PHACTR3: variants seen among roughly 807,000 people sequenced by gnomAD.
The protein encoded by PHACTR3 is phosphatase and actin regulator 3.
PHACTR3 carries 16 observed loss-of-function variants against 66.8 expected under a neutral mutation model. The observed-to-expected ratio is 0.24, with a 90% CI of 0.16 to 0.36. The LOEUF is 0.36. PHACTR3 is among the 10% of genes least tolerant of loss of function. PHACTR3 has a pLI of 1.00. For synonymous variants in PHACTR3, 323 were observed against 292.1 expected (o/e 1.11, Z -1.08); for missense variants, 647 against 719.9 (o/e 0.90, Z 1.16).
chr20:59,792,447 T>G (rs2041132664), intron 7 of PHACTR3, among the ~76,000 whole-genome samples: 1 of 152,236 alleles, frequency 6.6e-6, no homozygotes, highest in Non-Finnish European at 1.5e-5. Flanking sequence ...ATCAAGGTAT[T>G]AGAGTTTCAG....
intron 5 of PHACTR3, among the ~76,000 whole-genome samples, chr20:59,769,792 G>A (rs1202190437): frequency 2.6e-5 from 4 of 152,318 alleles, no homozygotes; most frequent in Admixed American, 2.0e-4. Context: ...AACCCTGTCT[G>A]TCTGCTTTCT....
chr20:59,632,751 G>A (rs1177880049), intron 1 of PHACTR3, among the ~76,000 whole-genome samples: 3 of 152,158 alleles, frequency 2.0e-5, no homozygotes, highest in African/African-American at 7.2e-5. Flanking sequence ...CAGATCACAG[G>A]GCTCATGAAA....
At chr20:59,768,931 G>GGGGC (rs2040274292) in intron 5 of PHACTR3, among the ~76,000 whole-genome samples, 1 of 152,244 alleles carries the variant, frequency 6.6e-6, no homozygotes, top group African/African-American at 2.4e-5. Context: ...GGTTAGATGT[G>GGGGC]GGGCTGTGGT....
intron 1 of PHACTR3, among the ~76,000 whole-genome samples, chr20:59,598,816 C>G (rs146621119): frequency 6.6e-6 from 1 of 152,286 alleles, no homozygotes; most frequent in Non-Finnish European, 1.5e-5. Context: ...TGTTGTTTTT[C>G]CAGGTGACCA....
chr20:59,787,530 A>G (rs2040953483), intron 7 of PHACTR3, among the ~76,000 whole-genome samples: 2 of 152,236 alleles, frequency 1.3e-5, no homozygotes, highest in African/African-American at 4.8e-5. Flanking sequence ...CTTTATATAA[A>G]GAAAATGCAC....
intron 1 of PHACTR3, among the ~76,000 whole-genome samples, chr20:59,691,981 C>T (rs1203405028): frequency 1.3e-5 from 2 of 152,224 alleles, no homozygotes; most frequent in Non-Finnish European, 2.9e-5. Flanking sequence ...TAAATCCAAG[C>T]ACCTCCTTCT....
chr20:59,824,637 G>T (rs946709016), intron 8 of PHACTR3, among the ~76,000 whole-genome samples: 3 of 152,192 alleles, frequency 2.0e-5, no homozygotes, highest in African/African-American at 7.2e-5. Context: ...ACGTGTGTCT[G>T]TAAGAGGCCC....
In PHACTR3 at chr20:59,756,926, C is replaced by G. The variant is rs745740927; in HGVS notation, c.541+1562C>G. Among the ~76,000 whole-genome samples, 111 of 152,098 alleles carry G rather than the reference C, an allele frequency of 7.3e-4. 2 individuals are homozygous for G. Among genetic ancestry groups the G allele is most frequent in the Non-Finnish European group, 2.4e-4 (16 of 68,032 alleles). On this transcript the variant is annotated intron_variant, in intron 4 of 12. Coordinates refer to ENST00000371015, the MANE Select transcript of PHACTR3 (RefSeq NM_080672.5). The stretch of plus-strand genomic sequence containing the variant: ...AACTCCCATTGGAGTGAACAGACAA[C>G]CTACAGAATGGGGGAACATTTTTGC...
rs185195197 is a variant in PHACTR3 at position 59,715,764 on chromosome 20, G to A, written c.119-27343G>A. 3.3e-5 allele frequency among the ~76,000 whole-genome samples: 5 copies of A among 152,264 alleles called. No individual in the cohort carries two copies. In the East Asian group the frequency reaches 9.6e-4, roughly 29 times the overall value. On this transcript the variant is annotated intron_variant, in intron 1 of 12. Coordinates refer to ENST00000371015, the MANE Select transcript of PHACTR3 (RefSeq NM_080672.5). ...CCTTCATCAGATACTCAAATGTTTA[G>A]AAGAGGTGACATCCTTTACGTGAGG...
At chr20:59,664,875 C>A (rs182589957) in intron 1 of PHACTR3, among the ~76,000 whole-genome samples, 1 of 152,142 alleles carries the variant, frequency 6.6e-6, no homozygotes, top group African/African-American at 2.4e-5. Flanking sequence ...ATTCATCAGA[C>A]GAAAGTGAAT....
intron 1 of PHACTR3, among the ~76,000 whole-genome samples, chr20:59,639,011 T>G (rs1253125971): frequency 4.1e-5 from 5 of 122,336 alleles, no homozygotes; most frequent in Admixed American, 1.9e-4. Flanking sequence ...GATAGGTGGG[T>G]GGGTGGATGG....
intron 1 of PHACTR3, among the ~76,000 whole-genome samples, chr20:59,687,026 TGATG>T (rs1207637213): frequency 6.6e-6 from 1 of 151,590 alleles, no homozygotes; most frequent in Admixed American, 6.6e-5. Context: ...GTGGTGATGA[TGATG>T]GTGGTGATGA....
intron 1 of PHACTR3, among the ~76,000 whole-genome samples, chr20:59,674,315 G>C (rs2036299617): frequency 6.9e-6 from 1 of 144,064 alleles, no homozygotes; most frequent in African/African-American, 2.8e-5. Context: ...TGGGGCGGGG[G>C]GCATGGCTCT....
chr20:59,827,480 A>G (rs2042225833), intron 8 of PHACTR3, among the ~76,000 whole-genome samples: 1 of 152,144 alleles, frequency 6.6e-6, no homozygotes, highest in Non-Finnish European at 1.5e-5. Flanking sequence ...AGTGATGGAG[A>G]CAGTGCGGTG....
chr20:59,666,293 G>A (rs1308214527), intron 1 of PHACTR3, among the ~76,000 whole-genome samples: 2 of 152,176 alleles, frequency 1.3e-5, no homozygotes, highest in South Asian at 2.1e-4. Context: ...TGCAAGCCAC[G>A]GCCCCACATG....
chr20:59,588,408 C>A (rs1392996713), intron 1 of PHACTR3, among the ~76,000 whole-genome samples: 1 of 152,200 alleles, frequency 6.6e-6, no homozygotes, highest in Non-Finnish European at 1.5e-5. Flanking sequence ...AGCCCCGTCC[C>A]CCTGGTCCCT....
chr20:59,672,022 C>A (rs1183201656), intron 1 of PHACTR3, among the ~76,000 whole-genome samples: 1 of 152,244 alleles, frequency 6.6e-6, no homozygotes, highest in Non-Finnish European at 1.5e-5. Flanking sequence ...AGATTCTTCC[C>A]TAAGGAAGTC....
chr20:59,686,556 GGTGATGATGATGGTCGTGATGATT>G, intron 1 of PHACTR3, among the ~76,000 whole-genome samples: 1 of 151,858 alleles, frequency 6.6e-6, no homozygotes, highest in Non-Finnish European at 1.5e-5. Context: ...TGATGATGAT[GGTGATGATGATGGTCGTGATGATT>G]GTGATGATGA....
chr20:59,755,858 T>G (rs4812129), intron 4 of PHACTR3, among the ~76,000 whole-genome samples: 107,977 of 152,102 alleles, frequency 0.71, 38,791 homozygotes, highest in South Asian at 0.83. Context: ...GCTGATGCAG[T>G]CTCAGCATGC....
Sources: gnomAD v4.1 joint callset for allele counts (sites outside exome capture counted in the v4.1 genomes callset) on GRCh38, gnomAD v4.1.1 for gene constraint, MANE v1.5 for transcripts, NCBI Gene and HGNC (gene_info 2026-07-23, HGNC 2026-07-21) for gene names.